GRM7: variants seen among roughly 807,000 people sequenced by gnomAD.
The protein encoded by GRM7 is metabotropic glutamate receptor 7.
A neutral mutation model predicts 84.5 loss-of-function variants in GRM7; 35 were observed. The ratio of observed to expected loss-of-function variants is 0.41; its 90% confidence interval spans 0.32 to 0.55. The LOEUF is 0.55. Among genes scored for constraint, GRM7 ranks in the 20% least tolerant of loss-of-function variants. GRM7 has a pLI of 0.19. For synonymous variants in GRM7, 487 were observed against 455.1 expected (o/e 1.07, Z -0.89); for missense variants, 1,003 against 1,194.6 (o/e 0.84, Z 2.36).
intron 8 of GRM7, among the ~76,000 whole-genome samples, chr3:7,643,375 G>A (rs916781219): frequency 2.6e-5 from 4 of 152,036 alleles, no homozygotes; most frequent in Non-Finnish European, 5.9e-5. Flanking sequence ...GGGCACAGTG[G>A]GACTCTGGAA....
At chr3:7,435,354 C>T (rs947148299) in intron 5 of GRM7, among the ~76,000 whole-genome samples, 2 of 151,782 alleles carry the variant, frequency 1.3e-5, no homozygotes, top group African/African-American at 2.4e-5. Context: ...TTAGTAGAGA[C>T]GGGTTTTCAC....
At chr3:7,681,087 T>G (rs1324558444) in intron 9 of GRM7, 1 of 152,238 alleles carries the variant, frequency 6.6e-6, no homozygotes, top group Non-Finnish European at 1.5e-5. Flanking sequence ...TCCCAATTGC[T>G]AACTTTACTA....
In GRM7 at chr3:7,228,619, T is replaced by C. The variant is rs544421729; in HGVS notation, c.737-70065T>C. Among the ~76,000 whole-genome samples the C allele has an allele frequency of 2.6e-5, 4 of 152,302 alleles. No homozygotes were observed. The South Asian group carries it at 8.3e-4, about 32-fold the overall frequency. ...ATCCCGTGTATACGGATAAAGAGAA[T>C]TCTGGGGTTATCTCTGTGACAGTCC... On this transcript the variant is annotated intron_variant, in intron 2 of 9. Coordinates refer to ENST00000357716, the MANE Select transcript of GRM7 (RefSeq NM_000844.4).
chr3:6,880,480 A>T (rs1695468018), intron 1 of GRM7, among the ~76,000 whole-genome samples: 1 of 152,200 alleles, frequency 6.6e-6, no homozygotes, highest in Admixed American at 6.5e-5. Flanking sequence ...CTTCTGGAAG[A>T]AGTGGACAGA....
chr3:7,288,591 C>G (rs368880735), intron 2 of GRM7, among the ~76,000 whole-genome samples: 11 of 152,178 alleles, frequency 7.2e-5, no homozygotes, highest in African/African-American at 2.6e-4. Flanking sequence ...TCTGGCATTA[C>G]GTGGCAGTGT....
At chr3:7,007,149 G>A (rs1243680910) in intron 1 of GRM7, among the ~76,000 whole-genome samples, 1 of 152,146 alleles carries the variant, frequency 6.6e-6, no homozygotes, top group Non-Finnish European at 1.5e-5. Flanking sequence ...AAAAAGCTCA[G>A]GATGAGGCAG....
chr3:7,709,854 G>C (rs1701520523), intron 9 of GRM7, among the ~76,000 whole-genome samples: 1 of 152,126 alleles, frequency 6.6e-6, no homozygotes, highest in Non-Finnish European at 1.5e-5. Context: ...AAGACAATGA[G>C]TGCCAGTGGA....
intron 2 of GRM7, among the ~76,000 whole-genome samples, chr3:7,163,963 T>G (rs187119345): frequency 5.9e-5 from 9 of 152,352 alleles, no homozygotes; most frequent in Non-Finnish European, 1.3e-4. Context: ...TCAAGTCATC[T>G]TGACATCATC....
At position 7,255,701 on chromosome 3, in the gene GRM7, A is replaced by G. The variant is rs901325128; in HGVS notation, c.737-42983A>G. Among the ~76,000 whole-genome samples, 14 of 152,246 alleles carry G rather than the reference A, an allele frequency of 9.2e-5. No individual in the cohort carries two copies. The East Asian group carries it at 2.7e-3, about 29-fold the overall frequency. On this transcript the variant is annotated intron_variant, in intron 2 of 9. Coordinates refer to ENST00000357716, the MANE Select transcript of GRM7 (RefSeq NM_000844.4). The stretch of plus-strand genomic sequence containing the variant: ...GTTGGGTGAAATTTCTAGCGGTAAT[A>G]GCTTGCTTTCTGCTTTTGAAGACAA...
chr3:7,305,354 T>C (rs1346955330), intron 3 of GRM7, among the ~76,000 whole-genome samples: 1 of 44,822 alleles, frequency 2.2e-5, no homozygotes, highest in Non-Finnish European at 9.3e-5. Context: ...TTTTTTTTTT[T>C]TTTTAATTAT....
intron 5 of GRM7, among the ~76,000 whole-genome samples, chr3:7,420,943 C>T (rs1313547868): frequency 6.6e-6 from 1 of 152,016 alleles, no homozygotes; most frequent in African/African-American, 2.4e-5. Flanking sequence ...ATCTAAAATC[C>T]TCATTGTTTT....
chr3:7,441,360 ATTT>A (rs1174501617), intron 5 of GRM7, among the ~76,000 whole-genome samples: 4 of 151,924 alleles, frequency 2.6e-5, no homozygotes, highest in Non-Finnish European at 4.4e-5. Flanking sequence ...TTGTTAATTT[ATTT>A]AAGTTCATTA....
intron 7 of GRM7, among the ~76,000 whole-genome samples, chr3:7,536,817 C>T (rs1701261948): frequency 6.6e-6 from 1 of 152,160 alleles, no homozygotes; most frequent in African/African-American, 2.4e-5. Context: ...GGTGCAGTCT[C>T]ATGAGAGAAT....
At chr3:7,384,531 A>C (rs1694710654) in intron 4 of GRM7, among the ~76,000 whole-genome samples, 1 of 152,232 alleles carries the variant, frequency 6.6e-6, no homozygotes, top group African/African-American at 2.4e-5. Flanking sequence ...AGGTGAAATT[A>C]AGTTTATAAT....
intron 9 of GRM7, among the ~76,000 whole-genome samples, chr3:7,726,902 T>C (rs755850851): frequency 2.0e-5 from 3 of 151,754 alleles, no homozygotes; most frequent in Non-Finnish European, 4.4e-5. Context: ...GGATCATGCA[T>C]TTTTAATCTT....
intron 2 of GRM7, among the ~76,000 whole-genome samples, chr3:7,182,313 G>A (rs904777771): frequency 4.6e-5 from 7 of 152,096 alleles, no homozygotes; most frequent in African/African-American, 1.4e-4. Flanking sequence ...CAGTATTCAA[G>A]CATTTTGTAA....
intron 1 of GRM7, among the ~76,000 whole-genome samples, chr3:6,887,747 G>C (rs902629915): frequency 6.6e-6 from 1 of 152,116 alleles, no homozygotes; most frequent in African/African-American, 2.4e-5. Flanking sequence ...TATATACCCC[G>C]TACTGGGATG....
At chr3:7,557,497 T>C (rs1042827679) in intron 7 of GRM7, among the ~76,000 whole-genome samples, 2 of 152,156 alleles carry the variant, frequency 1.3e-5, no homozygotes, top group Non-Finnish European at 2.9e-5. Flanking sequence ...GAAAAATAAG[T>C]TGCCATGTAT....
At chr3:7,096,478 A>C (rs1347312873) in intron 1 of GRM7, among the ~76,000 whole-genome samples, 1 of 152,106 alleles carries the variant, frequency 6.6e-6, no homozygotes, top group Non-Finnish European at 1.5e-5. Flanking sequence ...GAAGTCTAAG[A>C]GGGATCACAG....
Sources: gnomAD v4.1 joint callset for allele counts (sites outside exome capture counted in the v4.1 genomes callset) on GRCh38, gnomAD v4.1.1 for gene constraint, MANE v1.5 for transcripts, NCBI Gene and HGNC (gene_info 2026-07-23, HGNC 2026-07-21) for gene names.